NAV3: variants seen among roughly 807,000 people sequenced by gnomAD.
NAV3 encodes pore membrane and/or filament interacting like protein 1.
A neutral mutation model predicts 244.7 loss-of-function variants in NAV3; 87 were observed. That is an observed-to-expected ratio of 0.36 (90% CI 0.30 to 0.42). The LOEUF (loss-of-function observed/expected upper bound fraction) is 0.42, where lower values mean the gene tolerates loss of function less well. NAV3 is among the 20% of genes least tolerant of loss of function. The pLI is 1.00. For missense variants in NAV3, 2,663 were observed against 2,893.3 expected, an observed-to-expected ratio of 0.92 and a Z score of 1.83; for synonymous variants, 1,126 against 1,042.2, an observed-to-expected ratio of 1.08 and a Z score of -1.55.
intron 2 of NAV3, chr12:77,783,231 A>G (rs765910317): frequency 9.9e-5 from 15 of 151,834 alleles, no homozygotes; most frequent in Non-Finnish European, 1.9e-4. Flanking sequence ...TCTCCTTTGT[A>G]TTTGTAAAAT....
intron 9 of NAV3, among the ~76,000 whole-genome samples, chr12:78,047,680 G>A (rs1019350099): frequency 6.6e-6 from 1 of 152,040 alleles, no homozygotes; most frequent in Non-Finnish European, 1.5e-5. Context: ...TGACAATTAC[G>A]TGTCTTGGGG....
intron 1 of NAV3, among the ~76,000 whole-genome samples, chr12:77,850,928 C>T (rs1202407284): frequency 1.3e-5 from 2 of 152,170 alleles, no homozygotes; most frequent in East Asian, 1.9e-4. Context: ...ATATTCTGCA[C>T]CTGTCCTGAT....
chr12:78,147,914 G>A (rs1956927820), intron 21 of NAV3, among the ~76,000 whole-genome samples: 1 of 152,062 alleles, frequency 6.6e-6, no homozygotes, highest in Non-Finnish European at 1.5e-5. Context: ...AATCCCTTGA[G>A]ACTAGATATA....
At chr12:78,059,217 T>C in intron 12 of NAV3, 102 bp downstream of exon 12, 1 of 1,016,226 alleles carries the variant, frequency 9.8e-7, no homozygotes, top group Non-Finnish European at 1.4e-6. Flanking sequence ...TCAAAGGACT[T>C]TTTATTTTGA....
At chr12:77,805,246 G>A (rs1271125154) in intron 2 of NAV3, among the ~76,000 whole-genome samples, 1 of 152,144 alleles carries the variant, frequency 6.6e-6, no homozygotes, top group Non-Finnish European at 1.5e-5. Context: ...TCTTGTGCAG[G>A]TTTTCAAAGG....
intron 7 of NAV3, among the ~76,000 whole-genome samples, chr12:78,000,499 ATTTTTTTTTTTT>A (rs1202996900): frequency 9.7e-6 from 1 of 103,296 alleles, no homozygotes; most frequent in African/African-American, 3.6e-5. Context: ...CACTTAAAAC[ATTTTTTTTTTTT>A]TTTTTTTTTT....
At chr12:78,170,930 T>G in intron 24 of NAV3, among the ~76,000 whole-genome samples, 1 of 151,720 alleles carries the variant, frequency 6.6e-6, no homozygotes, top group East Asian at 1.9e-4. Context: ...GGGCTTTTAT[T>G]TAAGGTATGT....
chr12:77,651,805 C>A (rs1321052168), intron 2 of NAV3, among the ~76,000 whole-genome samples: 1 of 152,140 alleles, frequency 6.6e-6, no homozygotes, highest in Non-Finnish European at 1.5e-5. Flanking sequence ...AGCTGAAGAT[C>A]CAGGCTTTAG....
chr12:77,766,112 A>T (rs1482083746), intron 2 of NAV3, among the ~76,000 whole-genome samples: 1 of 152,238 alleles, frequency 6.6e-6, no homozygotes. Flanking sequence ...GAAATGGCAA[A>T]TGAAGACTTA....
At position 78,059,000 on chromosome 12, in the gene NAV3, A is replaced by G; in HGVS notation, c.2521A>G (p.Met841Val). ...LRTDDINSGY[M>V]TDGGLNLYTR... The stretch of plus-strand genomic sequence containing the variant: ...TAATTAGACATTTCTTTTCAGGTAC[A>G]TGACAGATGGAGGACTTAACCTATA... The change falls in exon 12 of 40, where the codon ATG (methionine) becomes GTG (valine). Residue 841 changes from methionine to valine, a missense_variant. Physicochemically the swap from Met to Val is conservative, Grantham distance 21. Coordinates refer to ENST00000397909, the MANE Select transcript of NAV3 (RefSeq NM_001024383.2). 1.3e-6 allele frequency: 2 copies of G among 1,599,438 alleles called. No individual in the cohort carries two copies. The highest frequency in any genetic ancestry group is 1.7e-6 in the Non-Finnish European group (2 of 1,174,328).
chr12:77,644,992 G>A (rs975679563), intron 2 of NAV3, among the ~76,000 whole-genome samples: 9 of 152,012 alleles, frequency 5.9e-5, no homozygotes, highest in Non-Finnish European at 1.2e-4. Context: ...TAAAAAGGGA[G>A]CAAAAATTTG....
At position 77,831,511 on chromosome 12, in the gene NAV3, C is replaced by A; in HGVS notation, c.50C>A (p.Ser17Ter). The A allele has an allele frequency of 1.2e-6, 2 of 1,613,846 alleles. No homozygotes were observed. The highest frequency in any genetic ancestry group is 1.1e-5 in the South Asian group (1 of 90,972). Residue 17 changes from serine to a stop codon, truncating the protein, a stop_gained, in exon 1 of 40, where the codon TCA becomes TAA. Transcript: ENST00000397909. LOFTEE classifies it high-confidence loss of function. Reference sequence around the variant, plus strand: ...AAACTGAGGCAGCCAGCTGTTGGGTCAAAGCCTGTGCATACTGCTCTTCCG... The same window carrying A: ...AAACTGAGGCAGCCAGCTGTTGGGTAAAAGCCTGTGCATACTGCTCTTCCG... ...ASKLRQPAVG[S>*]KPVHTALPIP... is the part of the protein sequence containing the mutation.
In NAV3 at chr12:78,185,622, G is replaced by T. The variant is rs1958680122; in HGVS notation, c.5714G>T (p.Gly1905Val). ...ATAGATATTTTGCTAGATGATGCTG[G>T]TGATGCAACTGGACATAAAGATGGC... ...VSSDILLDDA[G>V]DATGHKDGRS... Residue 1905 changes from glycine to valine, a missense_variant, in exon 31 of 40, where the codon GGT (glycine) becomes GTT (valine). Gly to Val is a moderately radical substitution (Grantham distance 109). This residue lies in a region of NAV3 where 543 missense variants were observed against 672.4 expected (regional missense o/e 0.81). Coordinates refer to ENST00000397909, the MANE Select transcript of NAV3 (RefSeq NM_001024383.2). 2.5e-6 allele frequency: 4 copies of T among 1,608,222 alleles called. No homozygotes were observed. Among genetic ancestry groups the T allele is most frequent in the Non-Finnish European group, 2.5e-6 (3 of 1,177,224 alleles).
At chr12:78,160,031 C>T (rs959911950) in intron 23 of NAV3, among the ~76,000 whole-genome samples, 1 of 152,084 alleles carries the variant, frequency 6.6e-6, no homozygotes, top group African/African-American at 2.4e-5. Context: ...AAGTAAGGGA[C>T]TTCAGGTTAC....
intron 9 of NAV3, among the ~76,000 whole-genome samples, chr12:78,047,146 A>C (rs1418535008): frequency 6.6e-6 from 1 of 152,036 alleles, no homozygotes; most frequent in East Asian, 1.9e-4. Flanking sequence ...AAGCTTATGA[A>C]GCTTAGTTTG....
At chr12:78,076,331 C>A (rs1014912909) in intron 12 of NAV3, among the ~76,000 whole-genome samples, 1 of 152,154 alleles carries the variant, frequency 6.6e-6, no homozygotes, top group Admixed American at 6.5e-5. Context: ...TCTGTGAACT[C>A]TCCTCAAAAC....
At chr12:77,970,363 A>T (rs1163697793) in intron 5 of NAV3, among the ~76,000 whole-genome samples, 1 of 152,150 alleles carries the variant, frequency 6.6e-6, no homozygotes, top group African/African-American at 2.4e-5. Context: ...ACTTACTGTC[A>T]GTTGTTCAAC....
At chr12:77,941,615 T>C (rs1889874999) in intron 3 of NAV3, among the ~76,000 whole-genome samples, 1 of 152,192 alleles carries the variant, frequency 6.6e-6, no homozygotes, top group Non-Finnish European at 1.5e-5. Flanking sequence ...GTGACTGATT[T>C]TGAGATATGA....
At chr12:77,749,194 G>C (rs144530243) in intron 2 of NAV3, among the ~76,000 whole-genome samples, 36 of 152,096 alleles carry the variant, frequency 2.4e-4, no homozygotes, top group African/African-American at 8.2e-4. Flanking sequence ...CATGATAAAG[G>C]ACTACTTCAT....
Sources: allele counts gnomAD v4.1 joint callset (sites outside exome capture counted in the v4.1 genomes callset), GRCh38; gene constraint gnomAD v4.1.1; regional missense constraint gnomAD v4.1.1; transcripts MANE v1.5; gene names NCBI Gene and HGNC (gene_info 2026-07-23, HGNC 2026-07-21).